PIEZO1: variants seen among roughly 807,000 people sequenced by gnomAD.
PIEZO1 encodes piezo type mechanosensitive ion channel component 1 (Er blood group).
A neutral mutation model predicts 297.2 loss-of-function variants in PIEZO1; 296 were observed. That is an observed-to-expected ratio of 1.00 (90% confidence interval 0.91 to 1.10). The LOEUF (loss-of-function observed/expected upper bound fraction) is 1.10. PIEZO1 is among the 50% of genes least tolerant of loss of function. The probability of loss-of-function intolerance (pLI) is 0.00; values close to 1 mark genes in which losing one functional copy is unlikely to be tolerated. For missense variants in PIEZO1, 5,018 were observed against 3,455.5 expected, an observed-to-expected ratio of 1.45 and a Z score of -11.34; for synonymous variants, 2,427 against 1,507.5, an observed-to-expected ratio of 1.61 and a Z score of -14.13.
chr16:88,719,583 C>T lies in PIEZO1; in HGVS notation c.6462G>A (p.Glu2154=), dbSNP rs944275585. ...ANIFIIKCSR[E]TEKKYPQPKG... ...CCCTGGGCCCAGGCACCTTCTCTGTCTCTCGGCTGCATTTGATGATGAAGA... is the reference window on the plus strand; with the variant it reads ...CCCTGGGCCCAGGCACCTTCTCTGTTTCTCGGCTGCATTTGATGATGAAGA... Residue 2154 remains glutamate, a synonymous_variant, in exon 44 of 51, where the codon GAG becomes GAA. Coordinates refer to ENST00000301015, the MANE Select transcript of PIEZO1 (RefSeq NM_001142864.4). 15 of 1,550,636 alleles carry T rather than the reference C, an allele frequency of 9.7e-6. No individual in the cohort carries two copies. In the African/African-American group the frequency reaches 1.8e-4, roughly 18 times the overall value.
chr16:88,715,641 C>A lies in PIEZO1; in HGVS notation c.7530G>T (p.Pro2510=), dbSNP rs115423293. 1.3e-6 allele frequency: 2 copies of A among 1,550,118 alleles called. No individual in the cohort carries two copies. The highest frequency in any genetic ancestry group is 2.0e-5 in the Admixed American group (1 of 50,984). ...CACGAGTCCACTTGATCATGGTCTC[C>A]GGTGAGCGGTAGAGGAAGATGAGCT... The part of the protein sequence containing the change: ...YAKLIFLYRS[P]ETMIKWTREK... Residue 2510 remains proline, a synonymous_variant, in exon 51 of 51, where the codon CCG becomes CCT. Coordinates refer to ENST00000301015, the MANE Select transcript of PIEZO1 (RefSeq NM_001142864.4).
At chr16:88,775,964 C>A (rs887559373) in intron 1 of PIEZO1, among the ~76,000 whole-genome samples, 1 of 152,164 alleles carries the variant, frequency 6.6e-6, no homozygotes, top group South Asian at 2.1e-4. Context: ...ATTAAAGCCA[C>A]GGGAGGCGCC....
rs775847607 is a variant in PIEZO1 at position 88,732,458 on chromosome 16, G to A, written c.2868C>T (p.His956=). 3.8e-5 allele frequency: 59 copies of A among 1,549,380 alleles called. No homozygotes were observed. Among genetic ancestry groups the A allele is most frequent in the Non-Finnish European group, 4.8e-5 (55 of 1,146,408 alleles). The change falls in exon 21 of 51, where the codon CAC becomes CAT. Residue 956 remains histidine (H), a synonymous_variant. Coordinates refer to ENST00000301015, the MANE Select transcript of PIEZO1 (RefSeq NM_001142864.4). ...YRRQEHYRRQ[H]QLAPLPAQAV... is the part of the protein sequence containing the mutation. ...CCTGGGCAGGCAGCGGGGCCAGCTG[G>A]TGCTGCCGGCGGTAGTGCTCCTGGC...
rs927362544 is a variant in PIEZO1, at chr16:88,720,275, C to A, written c.5958G>T (p.Ser1986=). 7.7e-6 allele frequency: 12 copies of A among 1,550,226 alleles called. No individual in the cohort carries two copies. The highest frequency in any genetic ancestry group is 1.0e-5 in the Non-Finnish European group (12 of 1,146,958). The change falls in exon 42 of 51, where the codon TCG becomes TCT. Residue 1986 remains serine, a synonymous_variant. Transcript: ENST00000301015. ...GGGAGGACGTGATGTCTGTGGCCGC[C>A]GAGTGCTTCTGTGGCCAGGAGAGCA... ...IFGFWAFGKH[S]AATDITSSLS... is the part of the protein sequence containing the mutation.
At chr16:88,744,385 C>T (rs1905902057) in intron 2 of PIEZO1, 1 of 152,090 alleles carries the variant, frequency 6.6e-6, no homozygotes, top group African/African-American at 2.4e-5. Context: ...GGGGCCTGCC[C>T]CACAGGCACG....
chr16:88,763,308 C>T (rs1464964447), intron 1 of PIEZO1, among the ~76,000 whole-genome samples: 3 of 152,212 alleles, frequency 2.0e-5, no homozygotes, highest in African/African-American at 7.2e-5. Flanking sequence ...AAGGCAGAAG[C>T]TGGAGGTGAG....
In PIEZO1 at chr16:88,734,000, C is replaced by A. The variant is rs867194358; in HGVS notation, c.2235G>T (p.Gln745His). ...CCTCCTCCTCCTCCTGCTGCTGCTG[C>A]TGATGCTCCTGCTGCTCCTCCCGCA... ...PLLREEQQEH[Q>H]QQQQEEEEEE... Residue 745 changes from glutamine to histidine, a missense_variant, in exon 17 of 51, where the codon CAG becomes CAT. Physicochemically the swap from Gln to His is conservative, Grantham distance 24. Transcript: ENST00000301015. 1.3e-6 allele frequency: 2 copies of A among 1,546,114 alleles called. No homozygotes were observed. The highest frequency in any genetic ancestry group is 1.2e-5 in the South Asian group (1 of 83,892).
Position 88,717,096 on chromosome 16 carries a change from A to G in PIEZO1, c.6587T>C (p.Leu2196Pro). ...IIWFPLLFMS[L>P]VRSVVGVVNQ... is the part of the protein sequence containing the mutation. ...GACAACCCCAACCACGGAGCGCACC[A>G]GCGACATGAAGAGCAGTGGGAACCA... The change falls in exon 45 of 51, where the codon CTG (leucine) becomes CCG (proline). Residue 2196 changes from leucine to proline, a missense_variant. Leu to Pro is a moderately conservative substitution (Grantham distance 98). Transcript: ENST00000301015. 1 of 1,551,292 alleles carries G rather than the reference A, an allele frequency of 6.4e-7. No individual in the cohort carries two copies. The highest frequency in any genetic ancestry group is 8.7e-7 in the Non-Finnish European group (1 of 1,147,146).
intron 1 of PIEZO1, among the ~76,000 whole-genome samples, chr16:88,764,286 G>A (rs1004290831): frequency 2.0e-5 from 3 of 152,148 alleles, no homozygotes; most frequent in Admixed American, 1.3e-4. Context: ...TGCCCTCCCG[G>A]CGCCCAGGTT....
intron 10 of PIEZO1, 168 bp downstream of exon 10, chr16:88,737,391 G>T (rs1459017050): frequency 3.4e-6 from 2 of 580,234 alleles, no homozygotes; most frequent in Middle Eastern, 4.6e-4. Context: ...TGCCCTGGGG[G>T]TCTCGGGGGT....
chr16:88,740,931 G>C (rs915382948), intron 5 of PIEZO1: 1 of 152,788 alleles, frequency 6.5e-6, no homozygotes, highest in African/African-American at 2.4e-5. Context: ...CTGTCCGTGT[G>C]AGGGGGCCAT....
chr16:88,717,449 G>A (rs541817116), intron 44 of PIEZO1: 14 of 627,994 alleles, frequency 2.2e-5, no homozygotes, highest in East Asian at 6.1e-5. Context: ...CAGTGGGAAC[G>A]GACAACCTTT....
In PIEZO1 at chr16:88,717,040, T is replaced by G. The variant is rs1274255007; in HGVS notation, c.6643A>C (p.Lys2215Gln). The change falls in exon 45 of 51, where the codon AAG becomes CAG. Residue 2215 changes from lysine (K) to glutamine (Q), a missense_variant. Physicochemically the swap from Lys to Gln is moderately conservative, Grantham distance 53. Transcript: ENST00000301015. ...ATGCTCACCTCATAGCCGCCCAGCT[T>G]CAGGGTGACGGTGACATCGATGGGC... is the stretch of plus-strand genomic sequence containing the variant. ...NQPIDVTVTL[K>Q]LGGYEPLFTM... 4.5e-6 allele frequency: 7 copies of G among 1,550,556 alleles called. No individual in the cohort carries two copies. In the South Asian group the frequency reaches 5.9e-5, roughly 13 times the overall value.
intron 1 of PIEZO1, among the ~76,000 whole-genome samples, chr16:88,753,730 G>T (rs983959957): frequency 6.6e-6 from 1 of 152,222 alleles, no homozygotes; most frequent in Non-Finnish European, 1.5e-5. Context: ...CAGTGCTCTT[G>T]GTCTAAGTGT....
intron 29 of PIEZO1, 47 bp from the exon 30 acceptor site, chr16:88,725,127 A>AG: frequency 7.3e-7 from 1 of 1,361,542 alleles, no homozygotes; most frequent in Non-Finnish European, 1.0e-6. Flanking sequence ...AGCCACCAGG[A>AG]GGGGTCGGGG....
At position 88,722,399 on chromosome 16, in the gene PIEZO1, T is replaced by G. The variant is rs1174925002; in HGVS notation, c.4776-2A>C. On this transcript the variant is annotated splice_acceptor_variant, in intron 35 of 50. Coordinates refer to ENST00000301015, the MANE Select transcript of PIEZO1 (RefSeq NM_001142864.4). LOFTEE classifies it high-confidence loss of function. The stretch of plus-strand genomic sequence containing the variant: ...AGTGGCTCCTCCGCGCCCAGCCCAC[T>G]GGGGAGGGAAGCCGAGTCACAGAGA... 1 of 1,491,452 alleles carries G rather than the reference T, an allele frequency of 6.7e-7. No individual in the cohort carries two copies. The allele number at this position is 1,491,452 out of a possible 1,614,324, so 92.4% of individuals were successfully genotyped here. A position where few individuals can be genotyped will look rare whatever the true frequency, so the allele number is the denominator to read the frequency against.
chr16:88,731,574 G>GATCGAAA, intron 22 of PIEZO1, 132 bp downstream of exon 22: 1 of 669,696 alleles, frequency 1.5e-6, no homozygotes, highest in Non-Finnish European at 2.6e-6. Flanking sequence ...ATGTGGAGCA[G>GATCGAAA]AGAGGAGGGA....
Position 88,725,627 on chromosome 16 carries a change from T to G in PIEZO1, c.4026A>C (p.Ile1342=), listed in dbSNP as rs750056978. 1.9e-6 allele frequency: 3 copies of G among 1,549,596 alleles called. No homozygotes were observed. The South Asian group carries it at 3.6e-5, about 18-fold the overall frequency. ...TCAGCTGGGCCAGGGACTTCTCCTCTATCCTGCGGTGAAAGTCAATGCTCT... is the reference window on the plus strand; with the variant it reads ...TCAGCTGGGCCAGGGACTTCTCCTCGATCCTGCGGTGAAAGTCAATGCTCT... The part of the protein sequence containing the change: ...NLKSIDFHRR[I]EEKSLAQLKR... The change falls in exon 28 of 51, where the codon ATA becomes ATC. Residue 1342 remains isoleucine, a synonymous_variant. Transcript: ENST00000301015.
chr16:88,733,461 G>A lies in PIEZO1; in HGVS notation c.2488-7C>T, dbSNP rs1905006737. On this transcript the variant is annotated splice_polypyrimidine_tract_variant and splice_region_variant and intron_variant, in intron 18 of 50. Coordinates refer to ENST00000301015, the MANE Select transcript of PIEZO1 (RefSeq NM_001142864.4). ...GCAGGTTCATCACCGACACCTGAGG[G>A]CAGTGGGCACGTGGGGCTGGGCTTG... The A allele has an allele frequency of 6.5e-7, 1 of 1,545,212 alleles. No homozygotes were observed. Among genetic ancestry groups the A allele is most frequent in the Non-Finnish European group, 8.7e-7 (1 of 1,142,962 alleles).
Sources: allele counts gnomAD v4.1 joint callset (sites outside exome capture counted in the v4.1 genomes callset), GRCh38; gene constraint gnomAD v4.1.1; transcripts MANE v1.5; gene names NCBI Gene and HGNC (gene_info 2026-07-23, HGNC 2026-07-21).